ENTREP2: variants seen among roughly 807,000 people sequenced by gnomAD.
ENTREP2 encodes endosomal transmembrane epsin interactor 2, also known as protein ENTREP2.
the ENTREP2 span, among the ~76,000 whole-genome samples, chr15:29,589,756 A>T: frequency 6.6e-6 from 1 of 152,220 alleles, no homozygotes; most frequent in South Asian, 2.1e-4. Flanking sequence ...TGATACAGAC[A>T]GTAGGAAAAA....
At chr15:29,195,985 CTTT>C in the ENTREP2 span, among the ~76,000 whole-genome samples, 3 of 151,548 alleles carry the variant, frequency 2.0e-5, no homozygotes, top group Non-Finnish European at 4.4e-5. Flanking sequence ...TTCCAAATCA[CTTT>C]TTTTTTAAAC....
chr15:29,674,997 C>T, the ENTREP2 span: 3 of 153,628 alleles, frequency 2.0e-5, no homozygotes, highest in African/African-American at 7.2e-5. Context: ...CTCAGAACCT[C>T]CCCTCCCCCG....
the ENTREP2 span, among the ~76,000 whole-genome samples, chr15:29,540,375 A>T: frequency 6.6e-6 from 1 of 152,236 alleles, no homozygotes; most frequent in African/African-American, 2.4e-5. Context: ...TATACCCCAT[A>T]AATATGTACA....
the ENTREP2 span, among the ~76,000 whole-genome samples, chr15:29,286,189 T>G: frequency 6.6e-6 from 1 of 151,956 alleles, no homozygotes; most frequent in Admixed American, 6.6e-5. Flanking sequence ...GTCAGTGCAA[T>G]CAGAAAAAAG....
chr15:29,599,875 A>G, the ENTREP2 span, among the ~76,000 whole-genome samples: 1 of 152,268 alleles, frequency 6.6e-6, no homozygotes, highest in Non-Finnish European at 1.5e-5. Flanking sequence ...GCCGAGCAGC[A>G]GCCCTGCCCT....
At chr15:29,355,536 A>C in the ENTREP2 span, among the ~76,000 whole-genome samples, 2 of 151,934 alleles carry the variant, frequency 1.3e-5, no homozygotes, top group Non-Finnish European at 2.9e-5. Flanking sequence ...TTGGAGGATC[A>C]GAAGCTGAGA....
chr15:29,573,158 T>G, the ENTREP2 span, among the ~76,000 whole-genome samples: 1 of 152,144 alleles, frequency 6.6e-6, no homozygotes, highest in South Asian at 2.1e-4. Context: ...ATTTATTTAT[T>G]TAAGAAAGGT....
the ENTREP2 span, among the ~76,000 whole-genome samples, chr15:29,526,525 G>A: frequency 5.3e-5 from 8 of 152,014 alleles, no homozygotes; most frequent in Admixed American, 1.3e-4. Context: ...GTGCAATAGC[G>A]TGATCATAGC....
the ENTREP2 span, among the ~76,000 whole-genome samples, chr15:29,215,599 C>T: frequency 1.4e-5 from 2 of 139,066 alleles, no homozygotes; most frequent in Admixed American, 1.5e-4. Flanking sequence ...TATATATATT[C>T]CATTAGTTCT....
the ENTREP2 span, among the ~76,000 whole-genome samples, chr15:29,358,299 TATC>T: frequency 2.6e-5 from 4 of 152,074 alleles, no homozygotes; most frequent in Non-Finnish European, 4.4e-5. Context: ...AATCAACAAA[TATC>T]ATGGTGAATG....
the ENTREP2 span, among the ~76,000 whole-genome samples, chr15:29,433,797 A>C: frequency 2.0e-5 from 3 of 146,732 alleles, no homozygotes; most frequent in East Asian, 3.9e-4. Flanking sequence ...AAAAAAAAAA[A>C]AACAGCTACC....
chr15:29,396,108 A>G, the ENTREP2 span, among the ~76,000 whole-genome samples: 80 of 152,288 alleles, frequency 5.3e-4, no homozygotes, highest in African/African-American at 1.9e-3. Flanking sequence ...ATTTCTTCTG[A>G]GTGTTTGATA....
chr15:29,618,534 G>A, the ENTREP2 span, among the ~76,000 whole-genome samples: 3 of 152,104 alleles, frequency 2.0e-5, no homozygotes, highest in Non-Finnish European at 2.9e-5. Context: ...TTCTCAGCAG[G>A]TTGCCAGCCA....
the ENTREP2 span, among the ~76,000 whole-genome samples, chr15:29,548,433 C>T: frequency 3.1e-5 from 4 of 127,504 alleles, no homozygotes; most frequent in African/African-American, 6.5e-5. Context: ...CCAGCCTGGG[C>T]AAGAGAGCGA....
the ENTREP2 span, chr15:29,381,804 C>T: frequency 1.1e-4 from 178 of 1,551,572 alleles, no homozygotes; most frequent in East Asian, 3.1e-3. Flanking sequence ...TTCCAGGAGA[C>T]GACACCTATG....
the ENTREP2 span, among the ~76,000 whole-genome samples, chr15:29,661,917 TTA>T: frequency 6.6e-6 from 1 of 152,072 alleles, no homozygotes; most frequent in African/African-American, 2.4e-5. Flanking sequence ...AACTATTTAC[TTA>T]AAGAAAATGC....
chr15:29,603,925 C>G, the ENTREP2 span, among the ~76,000 whole-genome samples: 1 of 152,212 alleles, frequency 6.6e-6, no homozygotes, highest in Admixed American at 6.5e-5. Flanking sequence ...AGGCATGAGC[C>G]AACATGCCTG....
At chr15:29,294,308 C>A in the ENTREP2 span, among the ~76,000 whole-genome samples, 6 of 152,190 alleles carry the variant, frequency 3.9e-5, no homozygotes, top group African/African-American at 1.4e-4. Context: ...GTGGCCAGAG[C>A]CCAGAAGGAA....
the ENTREP2 span, among the ~76,000 whole-genome samples, chr15:29,395,158 G>A: frequency 6.6e-6 from 1 of 151,512 alleles, no homozygotes; most frequent in Non-Finnish European, 1.5e-5. Flanking sequence ...AAAGTGCTGG[G>A]ATTACAGGCC....
Sources: allele counts gnomAD v4.1 joint callset (sites outside exome capture counted in the v4.1 genomes callset), GRCh38; gene constraint gnomAD v4.1.1; transcripts MANE v1.5; gene names NCBI Gene and HGNC (gene_info 2026-07-23, HGNC 2026-07-21).